TMTC2: variants seen among roughly 807,000 people sequenced by gnomAD.
TMTC2 encodes the protein transmembrane O-mannosyltransferase targeting cadherins 2, also known as protein O-mannosyl-transferase TMTC2.
A neutral mutation model predicts 82.4 loss-of-function variants in TMTC2; 43 were observed. The observed-to-expected ratio is 0.52, with a 90% CI of 0.41 to 0.67. The LOEUF is 0.67. Among genes scored for constraint, TMTC2 ranks in the 30% least tolerant of loss-of-function variants. The probability of loss-of-function intolerance (pLI) is 0.00; values close to 1 mark genes in which losing one functional copy is unlikely to be tolerated. For synonymous variants in TMTC2, 408 were observed against 381.9 expected (o/e 1.07, Z -0.80); for missense variants, 919 against 1,012.4 (o/e 0.91, Z 1.25).
Position 82,985,881 on chromosome 12 carries a change from A to C in TMTC2, c.1949-44A>C, listed in dbSNP as rs2137337578. 1.3e-6 allele frequency: 2 copies of C among 1,593,448 alleles called. 1 individual carries two copies. The highest frequency in any genetic ancestry group is 1.7e-6 in the Non-Finnish European group (2 of 1,166,808). On this transcript the variant is annotated intron_variant, in intron 7 of 11. Coordinates refer to ENST00000321196, the MANE Select transcript of TMTC2 (RefSeq NM_152588.3). ...GATGCTGTTGCAAATAATGTGGAAA[A>C]GCTGTATCCTCCCTTTGACCTTCAT...
intron 8 of TMTC2, among the ~76,000 whole-genome samples, chr12:83,000,711 T>C (rs964085387): frequency 6.6e-6 from 1 of 152,216 alleles, no homozygotes; most frequent in South Asian, 2.1e-4. Context: ...CAGTGGGGAC[T>C]CTATGGGGAC....
intron 2 of TMTC2, among the ~76,000 whole-genome samples, chr12:82,865,551 C>T (rs1369007935): frequency 6.6e-6 from 1 of 152,124 alleles, no homozygotes; most frequent in Non-Finnish European, 1.5e-5. Context: ...GACTCCCACA[C>T]AATAATAATG....
intron 4 of TMTC2, among the ~76,000 whole-genome samples, chr12:82,933,100 T>C (rs961842816): frequency 6.6e-6 from 1 of 152,184 alleles, no homozygotes; most frequent in Non-Finnish European, 1.5e-5. Context: ...GTGCCCAATA[T>C]AGTTCCACGA....
At chr12:83,123,575 T>A (rs1885019296) in intron 11 of TMTC2, among the ~76,000 whole-genome samples, 1 of 152,220 alleles carries the variant, frequency 6.6e-6, no homozygotes, top group Non-Finnish European at 1.5e-5. Context: ...TGTTTAATTG[T>A]ATTAATCTTG....
At chr12:83,080,870 C>T (rs1883441293) in intron 11 of TMTC2, among the ~76,000 whole-genome samples, 1 of 152,160 alleles carries the variant, frequency 6.6e-6, no homozygotes, top group South Asian at 2.1e-4. Flanking sequence ...ACCCATCCCC[C>T]ACCACATGGT....
At position 82,773,577 on chromosome 12, in the gene TMTC2, C is replaced by T. The variant is rs555737532; in HGVS notation, c.84-83433C>T. On this transcript the variant is annotated intron_variant, in intron 1 of 11. Transcript: ENST00000321196. ...CCGGGTTCAAGTGATTCTCCTGCCT[C>T]AGCCTCCTGAGTAGCTGGGATTACA... 7.0e-4 allele frequency among the ~76,000 whole-genome samples: 107 copies of T among 151,956 alleles called. 1 individual carries two copies. Among genetic ancestry groups the T allele is most frequent in the Non-Finnish European group, 1.4e-3 (93 of 67,972 alleles).
chr12:83,017,188 A>C (rs1880715738), intron 8 of TMTC2, among the ~76,000 whole-genome samples: 1 of 152,118 alleles, frequency 6.6e-6, no homozygotes, highest in Non-Finnish European at 1.5e-5. Flanking sequence ...GACCTCACTG[A>C]TGTTGCTAAT....
At chr12:82,714,268 C>T (rs189929054) in intron 1 of TMTC2, among the ~76,000 whole-genome samples, 5 of 152,034 alleles carry the variant, frequency 3.3e-5, no homozygotes, top group African/African-American at 7.2e-5. Flanking sequence ...TACTAAAAAT[C>T]GTTGAATTGT....
chr12:82,957,637 A>G (rs1230828543), intron 4 of TMTC2, among the ~76,000 whole-genome samples: 1 of 152,112 alleles, frequency 6.6e-6, no homozygotes, highest in East Asian at 1.9e-4. Context: ...ATCAAGATTA[A>G]CAAAGAAAAA....
intron 1 of TMTC2, among the ~76,000 whole-genome samples, chr12:82,799,622 T>C (rs1479827835): frequency 6.6e-6 from 1 of 152,174 alleles, no homozygotes; most frequent in Non-Finnish European, 1.5e-5. Flanking sequence ...TGTCTCCCTT[T>C]CTCAGCTTCT....
chr12:82,910,973 C>T lies in TMTC2; in HGVS notation c.1483+14327C>T, dbSNP rs185120266. Reference sequence around the variant, plus strand: ...TTGGCTCACTGCAACCTCCACCACCCGGTTTCACGCCATTCTCCTGCCTCA... The same window carrying T: ...TTGGCTCACTGCAACCTCCACCACCTGGTTTCACGCCATTCTCCTGCCTCA... On this transcript the variant is annotated intron_variant, in intron 3 of 11. Coordinates refer to ENST00000321196, the MANE Select transcript of TMTC2 (RefSeq NM_152588.3). Among the ~76,000 whole-genome samples the T allele has an allele frequency of 6.1e-3, 932 of 152,022 alleles. 6 individuals are homozygous for T. The highest frequency in any genetic ancestry group is 0.016 in the Admixed American group (245 of 15,264).
In TMTC2 at chr12:82,705,819, C is replaced by G. The variant is rs116019758; in HGVS notation, c.83+18150C>G. ...GGGCAGTGACTCTGAAGAGATTGTG[C>G]GACATAATCTCAAAGAGCTTAGGGT... On this transcript the variant is annotated intron_variant, in intron 1 of 11. Coordinates refer to ENST00000321196, the MANE Select transcript of TMTC2 (RefSeq NM_152588.3). Among the ~76,000 whole-genome samples, 493 of 152,076 alleles carry G rather than the reference C, an allele frequency of 3.2e-3. 1 individual carries two copies. The highest frequency in any genetic ancestry group is 0.011 in the African/African-American group (441 of 41,480).
intron 4 of TMTC2, among the ~76,000 whole-genome samples, chr12:82,942,041 G>A (rs1233976264): frequency 6.6e-6 from 1 of 152,100 alleles, no homozygotes; most frequent in Non-Finnish European, 1.5e-5. Context: ...GCACCTGGCT[G>A]GGATAATGAT....
At chr12:82,842,300 G>T (rs1369164122) in intron 1 of TMTC2, among the ~76,000 whole-genome samples, 4 of 152,126 alleles carry the variant, frequency 2.6e-5, no homozygotes, top group Non-Finnish European at 5.9e-5. Context: ...GTGTTTTATT[G>T]TGTCTGTTTA....
chr12:83,049,291 AGTTTTTT>A (rs1882257072), intron 9 of TMTC2, among the ~76,000 whole-genome samples: 1 of 152,092 alleles, frequency 6.6e-6, no homozygotes, highest in Non-Finnish European at 1.5e-5. Flanking sequence ...CCCAAGGGGC[AGTTTTTT>A]GATCTGCCCC....
At chr12:82,939,315 T>C (rs1006356234) in intron 4 of TMTC2, among the ~76,000 whole-genome samples, 2 of 152,314 alleles carry the variant, frequency 1.3e-5, no homozygotes, top group East Asian at 1.9e-4. Flanking sequence ...AACTAATTTT[T>C]AACATATCAC....
At chr12:82,772,139 C>A (rs1168671981) in intron 1 of TMTC2, among the ~76,000 whole-genome samples, 1 of 152,086 alleles carries the variant, frequency 6.6e-6, no homozygotes. Context: ...TTGTTTCCAG[C>A]TTGGGAGAAA....
chr12:82,999,737 G>A (rs754030666), intron 8 of TMTC2, among the ~76,000 whole-genome samples: 80 of 152,270 alleles, frequency 5.3e-4, no homozygotes, highest in Admixed American at 1.0e-3. Flanking sequence ...CCACCAGCAT[G>A]ATTCAGTTAT....
intron 1 of TMTC2, among the ~76,000 whole-genome samples, chr12:82,748,407 G>A (rs1044854884): frequency 2.6e-5 from 4 of 152,182 alleles, no homozygotes; most frequent in South Asian, 2.1e-4. Flanking sequence ...TACAGTATGC[G>A]CTTTGGAGGG....
Sources: allele counts gnomAD v4.1 joint callset (sites outside exome capture counted in the v4.1 genomes callset), GRCh38; gene constraint gnomAD v4.1.1; transcripts MANE v1.5; gene names NCBI Gene and HGNC (gene_info 2026-07-23, HGNC 2026-07-21).